CACNA2D1: variants seen among roughly 807,000 people sequenced by gnomAD.
CACNA2D1 encodes the protein calcium voltage-gated channel auxiliary subunit alpha2delta 1.
In CACNA2D1, 53 loss-of-function variants were observed where a neutral mutation model predicts 171.5. The observed-to-expected ratio is 0.31, with a 90% CI of 0.25 to 0.39. CACNA2D1 has a LOEUF of 0.39. CACNA2D1 is among the 10% of genes least tolerant of loss of function. The pLI is 1.00. For missense variants in CACNA2D1, 903 were observed against 1,299.8 expected, an observed-to-expected ratio of 0.69 and a Z score of 4.69; for synonymous variants, 442 against 443.1, an observed-to-expected ratio of 1.00 and a Z score of 0.03.
intron 19 of CACNA2D1, among the ~76,000 whole-genome samples, chr7:81,996,896 T>TACA (rs1202030423): frequency 6.6e-6 from 1 of 152,078 alleles, no homozygotes; most frequent in Non-Finnish European, 1.5e-5. Flanking sequence ...TACTGAAGTT[T>TACA]ACAAGATACA....
chr7:82,289,429 G>T (rs572077869), intron 3 of CACNA2D1, among the ~76,000 whole-genome samples: 2 of 152,178 alleles, frequency 1.3e-5, no homozygotes, highest in African/African-American at 4.8e-5. Flanking sequence ...ATTGTTTGTG[G>T]ACGTAAGTTT....
chr7:82,155,120 C>T (rs530352127), intron 4 of CACNA2D1, among the ~76,000 whole-genome samples: 6 of 152,178 alleles, frequency 3.9e-5, no homozygotes, highest in South Asian at 2.1e-4. Context: ...TGCCTTCTGC[C>T]GTGATAGTAA....
chr7:82,369,075 A>G (rs1291465798), intron 1 of CACNA2D1, among the ~76,000 whole-genome samples: 1 of 152,074 alleles, frequency 6.6e-6, no homozygotes, highest in African/African-American at 2.4e-5. Flanking sequence ...ATTTCCAGTC[A>G]TCTTTTAAGG....
chr7:82,382,981 T>C (rs1823878409), intron 1 of CACNA2D1, among the ~76,000 whole-genome samples: 3 of 152,180 alleles, frequency 2.0e-5, no homozygotes, highest in Non-Finnish European at 1.5e-5. Context: ...CATTCAATAC[T>C]TCTGTTGAAA....
rs1053773601 is a variant in CACNA2D1, at chr7:82,389,856, A to G, written c.96-40207T>C. ...CCATAAATAGATGTAATTGTTTTGA[A>G]GTTAAAATTCTGACGTGTTTGTTTA... On this transcript the variant is annotated intron_variant, in intron 1 of 38. Transcript: ENST00000356860. Among the ~76,000 whole-genome samples the G allele has an allele frequency of 2.0e-5, 3 of 152,208 alleles. No homozygotes were observed. The South Asian group carries it at 6.2e-4, about 31-fold the overall frequency.
rs945083163 is a variant in CACNA2D1, at chr7:82,366,531, C to A, written c.96-16882G>T. Among the ~76,000 whole-genome samples, 17 of 152,140 alleles carry A rather than the reference C, an allele frequency of 1.1e-4. 1 individual carries two copies. Among genetic ancestry groups the A allele is most frequent in the Admixed American group, 1.3e-4 (2 of 15,272 alleles). On this transcript the variant is annotated intron_variant, in intron 1 of 38. Transcript: ENST00000356860. ...TTAGGATACTGACCTCCAGTTGCAT[C>A]CATGTTGCTGCAAAAGACAATTATG...
rs548035952 is a variant in CACNA2D1 at position 82,315,090 on chromosome 7, T to C, written c.294+20045A>G. Among the ~76,000 whole-genome samples the C allele has an allele frequency of 9.9e-4, 150 of 151,066 alleles. 1 individual carries two copies. Among genetic ancestry groups the C allele is most frequent in the Non-Finnish European group, 1.4e-3 (93 of 67,860 alleles). On this transcript the variant is annotated intron_variant, in intron 3 of 38. Transcript: ENST00000356860. ...AAGCAGAAGTTGCAGTGAGCCGAGA[T>C]TGTGCCACTGCACTCCAGCCTGGGT... is the stretch of plus-strand genomic sequence containing the variant.
chr7:82,102,510 A>G (rs938700384), intron 6 of CACNA2D1, among the ~76,000 whole-genome samples: 6 of 145,726 alleles, frequency 4.1e-5, no homozygotes, highest in African/African-American at 1.7e-4. Flanking sequence ...GCACACACAC[A>G]TATATAATTT....
chr7:82,084,698 G>T (rs536480476), intron 7 of CACNA2D1, 71 bp downstream of exon 7: 3 of 1,508,956 alleles, frequency 2.0e-6, no homozygotes, highest in African/African-American at 1.4e-5. Context: ...CAGTATCAGG[G>T]AAGATAACAG....
intron 24 of CACNA2D1, among the ~76,000 whole-genome samples, chr7:81,978,816 ATATATT>A (rs72221586): frequency 0.47 from 42,474 of 91,184 alleles, 6,731 homozygotes; most frequent in Non-Finnish European, 0.5. Flanking sequence ...ATATATATAT[ATATATT>A]TATTTATTTA....
At chr7:82,031,747 G>C (rs1221022288) in intron 12 of CACNA2D1, among the ~76,000 whole-genome samples, 3 of 151,738 alleles carry the variant, frequency 2.0e-5, no homozygotes, top group Non-Finnish European at 2.9e-5. Context: ...CAAACCATCT[G>C]AACATATTCA....
At chr7:82,271,538 T>C (rs1033325971) in intron 3 of CACNA2D1, among the ~76,000 whole-genome samples, 1 of 152,174 alleles carries the variant, frequency 6.6e-6, no homozygotes, top group Non-Finnish European at 1.5e-5. Context: ...TTATTGATTG[T>C]GGTTCTCAGA....
chr7:82,014,557 C>G (rs1800191329), intron 12 of CACNA2D1, 78 bp from the exon 13 acceptor site: 3 of 809,184 alleles, frequency 3.7e-6, no homozygotes, highest in Middle Eastern at 5.9e-4. Context: ...GCTAAAATTT[C>G]TATTGAAAAG....
chr7:82,285,089 A>C (rs2129383310), intron 3 of CACNA2D1, among the ~76,000 whole-genome samples: 1 of 152,084 alleles, frequency 6.6e-6, no homozygotes, highest in South Asian at 2.1e-4. Flanking sequence ...AACCACCCCC[A>C]GTGCTGCTTA....
At chr7:82,363,603 A>G (rs1821342805) in intron 1 of CACNA2D1, among the ~76,000 whole-genome samples, 1 of 152,156 alleles carries the variant, frequency 6.6e-6, no homozygotes, top group Non-Finnish European at 1.5e-5. Context: ...GAATGAAAGG[A>G]GTGAATAAAA....
At chr7:82,376,667 A>T (rs56230041) in intron 1 of CACNA2D1, among the ~76,000 whole-genome samples, 3,056 of 152,260 alleles carry the variant, frequency 0.02, 104 homozygotes, top group African/African-American at 0.07. Flanking sequence ...GTATGTATAG[A>T]ATTTCCATAT....
chr7:82,133,121 T>C (rs188677191), intron 5 of CACNA2D1, among the ~76,000 whole-genome samples: 1 of 152,304 alleles, frequency 6.6e-6, no homozygotes, highest in East Asian at 1.9e-4. Flanking sequence ...TCTTAACAAA[T>C]TACATTCTTG....
At chr7:82,176,463 A>G (rs899618482) in intron 3 of CACNA2D1, among the ~76,000 whole-genome samples, 1 of 152,016 alleles carries the variant, frequency 6.6e-6, no homozygotes, top group Admixed American at 6.6e-5. Context: ...ATTGCTCTGT[A>G]TGTTTAAATC....
At chr7:81,966,754 T>A (rs1794742763) in intron 31 of CACNA2D1, among the ~76,000 whole-genome samples, 2 of 151,468 alleles carry the variant, frequency 1.3e-5, no homozygotes, top group African/African-American at 2.4e-5. Flanking sequence ...GTTAAAACAT[T>A]TTTCCTGTAA....
Sources: allele counts gnomAD v4.1 joint callset (sites outside exome capture counted in the v4.1 genomes callset), GRCh38; gene constraint gnomAD v4.1.1; transcripts MANE v1.5; gene names NCBI Gene and HGNC (gene_info 2026-07-23, HGNC 2026-07-21).